The following PRKCB variants were observed in gnomAD, a reference collection of about 807,000 sequenced individuals.
PRKCB encodes protein kinase C beta type.
Under a neutral mutation model 81.5 loss-of-function variants are expected in PRKCB, and 13 were observed. The observed-to-expected ratio is 0.16, with a 90% confidence interval of 0.10 to 0.25. The LOEUF (loss-of-function observed/expected upper bound fraction) is 0.25, where lower values mean the gene tolerates loss of function less well. PRKCB is among the 10% of genes least tolerant of loss of function. The pLI is 1.00. For missense variants in PRKCB, 509 were observed against 875.7 expected (o/e 0.58, Z 5.29); for synonymous variants, 335 against 321.4 (o/e 1.04, Z -0.45).
chr16:23,907,153 T>C (rs963546432), intron 2 of PRKCB, among the ~76,000 whole-genome samples: 1 of 152,192 alleles, frequency 6.6e-6, no homozygotes, highest in African/African-American at 2.4e-5. Context: ...CTCTACCCAG[T>C]ATACACCAGT....
intron 9 of PRKCB, among the ~76,000 whole-genome samples, chr16:24,148,738 A>G (rs1438087306): frequency 6.6e-6 from 1 of 152,196 alleles, no homozygotes; most frequent in Non-Finnish European, 1.5e-5. Context: ...CACTTATTCT[A>G]AAACGAGGGT....
At chr16:24,090,647 G>A (rs1966365137) in intron 5 of PRKCB, among the ~76,000 whole-genome samples, 1 of 152,158 alleles carries the variant, frequency 6.6e-6, no homozygotes, top group Non-Finnish European at 1.5e-5. Context: ...TGGGTTCGAG[G>A]GACTGATTGG....
chr16:24,214,590 T>G, intron 16 of PRKCB, 68 bp from the exon 17 acceptor site: 1 of 1,352,046 alleles, frequency 7.4e-7, no homozygotes, highest in Non-Finnish European at 1.0e-6. Context: ...CTAGGTTCTG[T>G]TTTATTTTGG....
chr16:23,983,006 G>C (rs1264626435), intron 2 of PRKCB, among the ~76,000 whole-genome samples: 1 of 151,864 alleles, frequency 6.6e-6, no homozygotes, highest in South Asian at 2.1e-4. Flanking sequence ...AGGGGTTATT[G>C]AATAAATTAT....
intron 5 of PRKCB, among the ~76,000 whole-genome samples, chr16:24,067,840 G>A (rs888502660): frequency 4.0e-5 from 6 of 151,728 alleles, no homozygotes; most frequent in Non-Finnish European, 2.9e-5. Context: ...GGTGGCACAT[G>A]CCTGTAATCC....
At chr16:24,048,494 C>CTTT (rs35642171) in intron 5 of PRKCB, among the ~76,000 whole-genome samples, 2 of 144,966 alleles carry the variant, frequency 1.4e-5, no homozygotes, top group Non-Finnish European at 1.5e-5. Context: ...TCTTTTCTTT[C>CTTT]TTTTTTTTTT....
chr16:23,882,037 CCT>C (rs1963130175), intron 2 of PRKCB, among the ~76,000 whole-genome samples: 12 of 44,306 alleles, frequency 2.7e-4, no homozygotes, highest in Admixed American at 6.9e-4. Flanking sequence ...TTCCTTCCTT[CCT>C]TCCTTCCTTC....
intron 9 of PRKCB, among the ~76,000 whole-genome samples, chr16:24,149,981 T>C (rs1451831632): frequency 6.6e-6 from 1 of 152,220 alleles, no homozygotes; most frequent in African/African-American, 2.4e-5. Context: ...TCTTTGTTTT[T>C]TTCCCCCTGC....
Position 24,185,130 on chromosome 16 carries a change from A to C in PRKCB, c.1553A>C (p.Tyr518Ser). Residue 518 changes from tyrosine to serine, a missense_variant, in exon 14 of 17, where the codon TAT becomes TCT. Tyr to Ser is a moderately radical substitution (Grantham distance 144). Transcript: ENST00000643927. ...TTCTAGATAATTGCTTATCAGCCCT[A>C]TGGGAAGTCCGTGGATTGGTGGGCA... is the stretch of plus-strand genomic sequence containing the variant. ...IAPEIIAYQP[Y>S]GKSVDWWAFG... 1 of 1,614,034 alleles carries C rather than the reference A, an allele frequency of 6.2e-7. No homozygotes were observed. Among genetic ancestry groups the C allele is most frequent in the Non-Finnish European group, 8.5e-7 (1 of 1,179,914 alleles).
intron 4 of PRKCB, among the ~76,000 whole-genome samples, chr16:24,032,775 C>G (rs141937944): frequency 4.6e-5 from 7 of 152,298 alleles, no homozygotes; most frequent in Admixed American, 1.3e-4. Context: ...GTCTTTTGCT[C>G]CTGATCCACT....
intron 4 of PRKCB, among the ~76,000 whole-genome samples, chr16:24,034,544 A>G (rs1965589150): frequency 6.6e-6 from 1 of 152,232 alleles, no homozygotes; most frequent in Non-Finnish European, 1.5e-5. Context: ...ATCCTATAAC[A>G]TGAGAGATGG....
chr16:24,020,656 A>G (rs1965345497), intron 3 of PRKCB, among the ~76,000 whole-genome samples: 3 of 152,202 alleles, frequency 2.0e-5, no homozygotes, highest in Non-Finnish European at 4.4e-5. Flanking sequence ...TCACACAGCT[A>G]ACTCTGGAGC....
chr16:23,936,974 G>A (rs914782116), intron 2 of PRKCB, among the ~76,000 whole-genome samples: 1 of 152,206 alleles, frequency 6.6e-6, no homozygotes, highest in African/African-American at 2.4e-5. Context: ...ACATTTTCCA[G>A]TTTGCTGTAG....
rs528076209 is a variant in PRKCB, at chr16:24,178,831, T to C, written c.1395-1959T>C. On this transcript the variant is annotated intron_variant, in intron 12 of 16. Coordinates refer to ENST00000643927, the MANE Select transcript of PRKCB (RefSeq NM_002738.7). ...CCAGGATATAGTTTTCAGATTGTAT[T>C]CTTTTAGTTGGAAATGATGACAGCA... Among the ~76,000 whole-genome samples, 83 of 152,314 alleles carry C rather than the reference T, an allele frequency of 5.4e-4. 1 individual carries two copies. Among genetic ancestry groups the C allele is most frequent in the African/African-American group, 1.7e-3 (69 of 41,558 alleles).
rs112798943 is a variant in PRKCB at position 24,133,956 on chromosome 16, C to T, written c.1065+9975C>T. On this transcript the variant is annotated intron_variant, in intron 9 of 16. Transcript: ENST00000643927. The stretch of plus-strand genomic sequence containing the variant: ...TGTCACCCAGGCTGGAGTGCAGTGA[C>T]GTGACCATGGTTCGCTGCAGCTTCA... Among the ~76,000 whole-genome samples the T allele has an allele frequency of 7.0e-3, 1,050 of 150,150 alleles. 8 individuals carry two copies. The highest frequency in any genetic ancestry group is 0.024 in the African/African-American group (979 of 40,608).
chr16:24,180,006 G>A (rs35168135), intron 12 of PRKCB, among the ~76,000 whole-genome samples: 24,434 of 151,698 alleles, frequency 0.16, 2,200 homozygotes, highest in South Asian at 0.29. Flanking sequence ...GTGCAGTGGC[G>A]TGATCTCGGC....
chr16:23,981,891 C>T (rs144397660), intron 2 of PRKCB, among the ~76,000 whole-genome samples: 11 of 3,470 alleles, frequency 3.2e-3, no homozygotes, highest in Non-Finnish European at 3.7e-3. Context: ...CCCTTCCCCT[C>T]CCCTTCCCCT....
In PRKCB at chr16:24,187,288, C is replaced by T. The variant is rs571792113; in HGVS notation, c.1722+1721C>T. 1.8e-4 allele frequency among the ~76,000 whole-genome samples: 28 copies of T among 152,324 alleles called. No homozygotes were observed. In the South Asian group the frequency reaches 4.3e-3, roughly 24 times the overall value. Reference sequence around the variant, plus strand: ...GAGCTTGCCCTCTGTAATTCTCAGACGTTCTCATTTGGCCAATTCTCTCCA... The same window carrying T: ...GAGCTTGCCCTCTGTAATTCTCAGATGTTCTCATTTGGCCAATTCTCTCCA... On this transcript the variant is annotated intron_variant, in intron 15 of 16. Transcript: ENST00000643927.
chr16:23,907,211 G>T (rs1291602133), intron 2 of PRKCB, among the ~76,000 whole-genome samples: 1 of 152,162 alleles, frequency 6.6e-6, no homozygotes, highest in Non-Finnish European at 1.5e-5. Flanking sequence ...TCCAAACATT[G>T]CCCTGGGTGG....
Sources: gnomAD v4.1 joint callset for allele counts (sites outside exome capture counted in the v4.1 genomes callset) on GRCh38, gnomAD v4.1.1 for gene constraint, MANE v1.5 for transcripts, NCBI Gene and HGNC (gene_info 2026-07-23, HGNC 2026-07-21) for gene names.